AK3: variants seen among roughly 807,000 people sequenced by gnomAD.
AK3 encodes the protein adenylate kinase 3, also known as GTP:AMP phosphotransferase AK3, mitochondrial.
In AK3, 27 loss-of-function variants were observed where a neutral mutation model predicts 23.7. The ratio of observed to expected loss-of-function variants is 1.14; its 90% CI spans 0.84 to 1.57. The LOEUF is 1.57. AK3 is among the 40% of genes most tolerant of loss of function. The probability of loss-of-function intolerance (pLI) is 0.00; values close to 1 mark genes in which losing one functional copy is unlikely to be tolerated. For missense variants in AK3, 406 were observed against 285.6 expected, an observed-to-expected ratio of 1.42 and a Z score of -3.04; for synonymous variants, 159 against 116.0, an observed-to-expected ratio of 1.37 and a Z score of -2.38.
At chr9:4,715,927 A>T (rs12683000) in intron 4 of AK3, among the ~76,000 whole-genome samples, 37,769 of 151,858 alleles carry the variant, frequency 0.25, 4,768 homozygotes, top group Middle Eastern at 0.3. Context: ...ACATGATCAG[A>T]GCTAATCGGT....
At chr9:4,715,093 C>A (rs946534274) in intron 4 of AK3, among the ~76,000 whole-genome samples, 3 of 151,670 alleles carry the variant, frequency 2.0e-5, no homozygotes, top group Non-Finnish European at 4.4e-5. Flanking sequence ...GTGGCACGTG[C>A]CTGTAGTCCT....
intron 1 of AK3, among the ~76,000 whole-genome samples, chr9:4,730,491 T>C (rs1300496604): frequency 2.0e-5 from 3 of 152,216 alleles, no homozygotes; most frequent in Non-Finnish European, 4.4e-5. Flanking sequence ...TGGTCCCAGC[T>C]ATTCAGGAAA....
chr9:4,725,203 T>C (rs902948930), intron 1 of AK3, among the ~76,000 whole-genome samples: 3 of 151,746 alleles, frequency 2.0e-5, no homozygotes, highest in Admixed American at 2.0e-4. Context: ...TTTGTATTTT[T>C]AGTAGAGACA....
At chr9:4,735,714 C>T (rs879553285) in intron 1 of AK3, among the ~76,000 whole-genome samples, 127 of 150,434 alleles carry the variant, frequency 8.4e-4, no homozygotes, top group Admixed American at 2.4e-3. Context: ...AATGATCCAC[C>T]TTCCTCGGCC....
Position 4,740,918 on chromosome 9 carries a change from C to G in AK3, c.151+19G>C. The G allele has an allele frequency of 6.5e-7, 1 of 1,536,048 alleles. No individual in the cohort carries two copies. Among genetic ancestry groups the G allele is most frequent in the Admixed American group, 2.0e-5 (1 of 50,650 alleles). ...CCCGGGTGACAGCGCACGGCCGGCCCTGGGCCCAGAGCTCCCACCTGTGCC... is the reference window on the plus strand; with the variant it reads ...CCCGGGTGACAGCGCACGGCCGGCCGTGGGCCCAGAGCTCCCACCTGTGCC... On this transcript the variant is annotated intron_variant, in intron 1 of 4. Transcript: ENST00000381809.
chr9:4,735,390 A>T (rs1463288114), intron 1 of AK3, among the ~76,000 whole-genome samples: 2 of 23,882 alleles, frequency 8.4e-5, no homozygotes, highest in Non-Finnish European at 8.6e-5. Flanking sequence ...TACATATATA[A>T]ATATATATAC....
chr9:4,736,609 C>G (rs1387983448), intron 1 of AK3, among the ~76,000 whole-genome samples: 1 of 151,896 alleles, frequency 6.6e-6, no homozygotes, highest in African/African-American at 2.4e-5. Flanking sequence ...AGATTATCTA[C>G]TACATTCATC....
intron 1 of AK3, among the ~76,000 whole-genome samples, chr9:4,739,727 G>C (rs1842379949): frequency 6.6e-6 from 1 of 151,816 alleles, no homozygotes; most frequent in Non-Finnish European, 1.5e-5. Context: ...GTCAGGAGAT[G>C]GGGACCAGCC....
chr9:4,722,596 C>G lies in AK3; in HGVS notation c.181G>C (p.Asp61His). The G allele has an allele frequency of 6.2e-7, 1 of 1,614,098 alleles. No homozygotes were observed. ...TCATCTGGGATGAGTTTCCCTTGGT[C>G]AATGAAAGCCTTGGCTAACACGCCA... Reference protein sequence around the residue: ...EIGVLAKAFIDQGKLIPDDVM... With the variant: ...EIGVLAKAFIHQGKLIPDDVM... Residue 61 changes from aspartate to histidine, a missense_variant, in exon 2 of 5, where the codon GAC becomes CAC. Physicochemically the swap from Asp to His is moderately conservative, Grantham distance 81. Coordinates refer to ENST00000381809, the MANE Select transcript of AK3 (RefSeq NM_016282.4).
chr9:4,717,062 G>C (rs564739160), intron 4 of AK3, among the ~76,000 whole-genome samples: 187 of 152,346 alleles, frequency 1.2e-3, no homozygotes, highest in African/African-American at 4.4e-3. Context: ...CCAGTTCTAA[G>C]AGTTACCCAT....
chr9:4,713,113 A>C lies in AK3; in HGVS notation c.564-17T>G. The C allele has an allele frequency of 1.2e-6, 2 of 1,612,530 alleles. No individual in the cohort carries two copies. The highest frequency in any genetic ancestry group is 8.5e-7 in the Non-Finnish European group (1 of 1,179,216). The stretch of plus-strand genomic sequence containing the variant: ...CCTTTTTTCCTAAAGATGAAACAAA[A>C]ACAAAACAAACACACACAGGTCTGA... On this transcript the variant is annotated splice_polypyrimidine_tract_variant and intron_variant, in intron 4 of 4. Transcript: ENST00000381809.
At chr9:4,722,842 A>G (rs1366759847) in intron 1 of AK3, among the ~76,000 whole-genome samples, 1 of 152,198 alleles carries the variant, frequency 6.6e-6, no homozygotes, top group Non-Finnish European at 1.5e-5. Context: ...AGATCACCTG[A>G]GGACAGGAGT....
Position 4,711,503 on chromosome 9 carries a change from A to G in AK3, c.*1473T>C, listed in dbSNP as rs1301474641. ...TGAATTTTTTAAATATCAGAAGAAA[A>G]GGGAAATAAAATTTTCCCCCCAAAA... On this transcript the variant is annotated 3_prime_UTR_variant, in exon 5 of 5. Coordinates refer to ENST00000381809, the MANE Select transcript of AK3 (RefSeq NM_016282.4). 7 of 152,670 alleles carry G rather than the reference A, an allele frequency of 4.6e-5. No homozygotes were observed. The highest frequency in any genetic ancestry group is 2.0e-4 in the Admixed American group (3 of 15,280). The allele number at this position is 152,670 out of a possible 1,614,324, so 9.5% of individuals were successfully genotyped here. A position where few individuals can be genotyped will look rare whatever the true frequency, so the allele number is the denominator to read the frequency against.
At chr9:4,722,705 G>C (rs980748717) in intron 1 of AK3, 80 bp from the exon 2 acceptor site, 1 of 1,578,728 alleles carries the variant, frequency 6.3e-7, no homozygotes, top group African/African-American at 1.4e-5. Flanking sequence ...GTTGCCTAAA[G>C]GGGAAGTCTG....
chr9:4,737,017 T>C (rs578120803), intron 1 of AK3, among the ~76,000 whole-genome samples: 2 of 101,526 alleles, frequency 2.0e-5, no homozygotes, highest in Non-Finnish European at 4.7e-5. Flanking sequence ...ACAGTGCAGC[T>C]TTCTCAGACT....
chr9:4,719,253 T>C lies in AK3; in HGVS notation c.326A>G (p.Asp109Gly). The change falls in exon 3 of 5, where the codon GAC becomes GGC. Residue 109 changes from aspartate (D) to glycine (G), a missense_variant. Physicochemically the swap from Asp to Gly is moderately conservative, Grantham distance 94. Coordinates refer to ENST00000381809, the MANE Select transcript of AK3 (RefSeq NM_016282.4). ...GGGCACATTCAGGTTAATCACTGTG[T>C]CGATCTGATAAGCTCTATCTAGGGC... ...AEALDRAYQI[D>G]TVINLNVPFE... 1 of 1,611,932 alleles carries C rather than the reference T, an allele frequency of 6.2e-7. No individual in the cohort carries two copies. Among genetic ancestry groups the C allele is most frequent in the Non-Finnish European group, 8.5e-7 (1 of 1,179,776 alleles).
At chr9:4,718,238 G>C (rs1450277578) in intron 4 of AK3, among the ~76,000 whole-genome samples, 181 bp downstream of exon 4, 2 of 152,210 alleles carry the variant, frequency 1.3e-5, no homozygotes, top group African/African-American at 4.8e-5. Flanking sequence ...ACCCAGGTGT[G>C]ACTGAAGCCC....
At position 4,711,019 on chromosome 9, in the gene AK3, GA is replaced by G; in HGVS notation, c.*1956del. 6.6e-6 allele frequency: 1 copy of G among 152,236 alleles called. No homozygotes were observed. Among genetic ancestry groups the G allele is most frequent in the Non-Finnish European group, 1.5e-5 (1 of 68,062 alleles). 9.4% of individuals were successfully genotyped at this position (152,236 alleles called of 1,614,324 possible). Reference sequence around the variant, plus strand: ...GCGGGTGGGGAGGGAATGGTCACAGGAAATAAGAGTCTTAATTCTCATAGCC... The same window carrying G: ...GCGGGTGGGGAGGGAATGGTCACAGGAATAAGAGTCTTAATTCTCATAGCC... On this transcript the variant is annotated 3_prime_UTR_variant, in exon 5 of 5. Transcript: ENST00000381809.
Position 4,741,104 on chromosome 9 carries a change from C to G in AK3, c.-17G>C. Reference sequence around the variant, plus strand: ...CGCCCCCATGGCCGCAGACTGAGGCCCGCACCGCGCGGGTACCAGGGCTTT... The same window carrying G: ...CGCCCCCATGGCCGCAGACTGAGGCGCGCACCGCGCGGGTACCAGGGCTTT... On this transcript the variant is annotated 5_prime_UTR_variant, in exon 1 of 5. Transcript: ENST00000381809. 2 of 1,502,862 alleles carry G rather than the reference C, an allele frequency of 1.3e-6. No individual in the cohort carries two copies. Among genetic ancestry groups the G allele is most frequent in the Non-Finnish European group, 1.8e-6 (2 of 1,125,830 alleles). 93.1% of individuals were successfully genotyped at this position (1,502,862 alleles called of 1,614,324 possible). A position where few individuals can be genotyped will look rare whatever the true frequency, so the allele number is the denominator to read the frequency against.
Sources: gnomAD v4.1 joint callset for allele counts (sites outside exome capture counted in the v4.1 genomes callset) on GRCh38, gnomAD v4.1.1 for gene constraint, MANE v1.5 for transcripts, NCBI Gene and HGNC (gene_info 2026-07-23, HGNC 2026-07-21) for gene names.